Variants in UNC93B1 observed in about 807,000 individuals in gnomAD.
The protein encoded by UNC93B1 is protein unc-93 homolog B1.
Under a neutral mutation model 56.8 loss-of-function variants are expected in UNC93B1, and 33 were observed. The ratio of observed to expected loss-of-function variants is 0.58; its 90% CI spans 0.44 to 0.78. UNC93B1 has a LOEUF of 0.78. Among genes scored for constraint, UNC93B1 ranks in the 30% least tolerant of loss-of-function variants. UNC93B1 has a pLI of 0.00. For synonymous variants in UNC93B1, 334 were observed against 358.6 expected, an observed-to-expected ratio of 0.93 and a Z score of 0.77; for missense variants, 673 against 819.5, an observed-to-expected ratio of 0.82 and a Z score of 2.18.
At chr11:67,996,116 G>T (rs558526865) in intron 8 of UNC93B1, 21 of 262,382 alleles carry the variant, frequency 8.0e-5, no homozygotes, top group South Asian at 2.4e-4. Flanking sequence ...CCCGCATCGC[G>T]GGGGGGTGCC....
intron 3 of UNC93B1, among the ~76,000 whole-genome samples, chr11:68,002,095 C>T (rs1189108914): frequency 2.6e-5 from 4 of 151,798 alleles, no homozygotes; most frequent in Non-Finnish European, 5.9e-5. Context: ...GCCGAGATCA[C>T]ACCACTGCAC....
chr11:67,998,298 T>G, intron 6 of UNC93B1, 61 bp downstream of exon 6: 1 of 1,576,666 alleles, frequency 6.3e-7, no homozygotes, highest in Non-Finnish European at 8.7e-7. Flanking sequence ...GAGGGCCCAG[T>G]GTCTGCTGGG....
intron 5 of UNC93B1, 89 bp downstream of exon 5, chr11:67,999,084 G>T (rs914901863): frequency 1.5e-5 from 23 of 1,549,144 alleles, no homozygotes; most frequent in Non-Finnish European, 2.0e-5. Flanking sequence ...ATAAAAGAAA[G>T]AAAGTGGGAC....
In UNC93B1 at chr11:68,003,773, G is replaced by T. The variant is rs1046565133; in HGVS notation, c.122C>A (p.Pro41His). The change falls in exon 2 of 11, where the codon CCC becomes CAC. Residue 41 changes from proline (P) to histidine (H), a missense_variant. By Grantham distance (77) the Pro-to-His change is moderately conservative. Around this residue, in one of 3 missense-constraint regions of UNC93B1, gnomAD observed 438 missense variants for 465.9 expected, o/e 0.94. Transcript: ENST00000227471. This position sits in a 1 kb window ranked among gnomAD's most constrained non-coding sequence, Gnocchi z 4.4. ...CTCCTCCTCCTCCTCGTTGTAGTTG[G>T]GGTACGCGCCCACCAGCTCGTCCAG... Reference protein sequence around the residue: ...APLDELVGAYPNYNEEEEERR... With the variant: ...APLDELVGAYHNYNEEEEERR... The T allele has an allele frequency of 1.3e-6, 2 of 1,515,774 alleles. No homozygotes were observed. The highest frequency in any genetic ancestry group is 2.9e-5 in the African/African-American group (2 of 69,854). 93.9% of individuals were successfully genotyped at this position (1,515,774 alleles called of 1,614,324 possible). A position where few individuals can be genotyped will look rare whatever the true frequency, so the allele number is the denominator to read the frequency against.
At position 67,997,664 on chromosome 11, in the gene UNC93B1, C is replaced by A; in HGVS notation, c.906+11G>T. The A allele has an allele frequency of 1.2e-6, 2 of 1,601,164 alleles. No homozygotes were observed. The highest frequency in any genetic ancestry group is 1.7e-6 in the Non-Finnish European group (2 of 1,179,792). ...CTTCACTGACTGTCCTGCCCCCATC[C>A]CGGGCCGCACCAGCAGCATGGCCAG... On this transcript the variant is annotated intron_variant, in intron 7 of 10. Coordinates refer to ENST00000227471, the MANE Select transcript of UNC93B1 (RefSeq NM_030930.4).
At chr11:67,993,102 C>T (rs1418666347) in intron 10 of UNC93B1, among the ~76,000 whole-genome samples, 1 of 152,216 alleles carries the variant, frequency 6.6e-6, no homozygotes, top group Admixed American at 6.5e-5. Context: ...GATTCTCCTG[C>T]CTCAGCCTCC....
At chr11:67,998,243 C>A in intron 6 of UNC93B1, 116 bp downstream of exon 6, 1 of 1,229,994 alleles carries the variant, frequency 8.1e-7, no homozygotes, top group South Asian at 1.2e-5. Flanking sequence ...GTCTTGCCCA[C>A]CAGAGCCGTG....
chr11:67,999,970 G>A (rs767326393), intron 3 of UNC93B1, among the ~76,000 whole-genome samples: 62 of 152,226 alleles, frequency 4.1e-4, no homozygotes, highest in Non-Finnish European at 7.3e-5. Flanking sequence ...CCTCATGCGT[G>A]TTCTGGGCTC....
Position 68,003,816 on chromosome 11 carries a change from C to G in UNC93B1, c.97-18G>C. 1 of 1,458,544 alleles carries G rather than the reference C, an allele frequency of 6.9e-7. No homozygotes were observed. The highest frequency in any genetic ancestry group is 9.0e-7 in the Non-Finnish European group (1 of 1,108,844). The allele number at this position is 1,458,544 out of a possible 1,614,324, so 90.4% of individuals were successfully genotyped here. A position where few individuals can be genotyped will look rare whatever the true frequency, so the allele number is the denominator to read the frequency against. ...TCGTCCAGCTGCGAGCCACGCACGC[C>G]GCTCGCACCCGCGATCGCGCCCCGA... On this transcript the variant is annotated intron_variant, in intron 1 of 10. Transcript: ENST00000227471. This position sits in a 1 kb window ranked among gnomAD's most constrained non-coding sequence, Gnocchi z 4.4.
chr11:68,000,659 CAA>C (rs200897822), intron 3 of UNC93B1, among the ~76,000 whole-genome samples: 1 of 150,312 alleles, frequency 6.7e-6, no homozygotes. Flanking sequence ...CAAGATTGCT[CAA>C]AAAAAAAGTG....
rs531346000 is a variant in UNC93B1 at position 67,997,537 on chromosome 11, G to C, written c.906+138C>G. 2.0e-5 allele frequency: 29 copies of C among 1,431,248 alleles called. No homozygotes were observed. The South Asian group carries it at 3.3e-4, about 16-fold the overall frequency. 88.7% of individuals were successfully genotyped at this position (1,431,248 alleles called of 1,614,324 possible). A position where few individuals can be genotyped will look rare whatever the true frequency, so the allele number is the denominator to read the frequency against. On this transcript the variant is annotated intron_variant, in intron 7 of 10. Transcript: ENST00000227471. ...GCCCTAGCTCCCCAACTCAGATCGC[G>C]CTCCCAGGCCTACGGCCTGCCCCGA... is the stretch of plus-strand genomic sequence containing the variant.
chr11:68,001,065 G>A (rs377607713), intron 3 of UNC93B1, among the ~76,000 whole-genome samples: 6 of 151,932 alleles, frequency 3.9e-5, no homozygotes, highest in Non-Finnish European at 7.4e-5. Flanking sequence ...GCGTGGTGGC[G>A]GGCGCCTGTA....
chr11:67,994,202 C>T (rs945476097), intron 9 of UNC93B1, among the ~76,000 whole-genome samples: 4 of 152,144 alleles, frequency 2.6e-5, no homozygotes, highest in Non-Finnish European at 4.4e-5. Flanking sequence ...GCAAATCAAA[C>T]CTGAAGCTAA....
chr11:68,003,590 C>T lies in UNC93B1; in HGVS notation c.238+67G>A. ...AGAGCGGGCGGGAGGCGGCGGCCCG[C>T]GGTTTCTGTTTCCCGGGCCGGGCTG... On this transcript the variant is annotated intron_variant, in intron 2 of 10. Coordinates refer to ENST00000227471, the MANE Select transcript of UNC93B1 (RefSeq NM_030930.4). This position sits in a 1 kb window ranked among gnomAD's most constrained non-coding sequence, Gnocchi z 4.4. The T allele has an allele frequency of 1.4e-6, 2 of 1,476,454 alleles. No homozygotes were observed. The highest frequency in any genetic ancestry group is 1.3e-5 in the South Asian group (1 of 78,606). The allele number at this position is 1,476,454 out of a possible 1,614,324, so 91.5% of individuals were successfully genotyped here.
chr11:68,001,838 G>C (rs1458053816), intron 3 of UNC93B1, among the ~76,000 whole-genome samples: 1 of 152,100 alleles, frequency 6.6e-6, no homozygotes, highest in African/African-American at 2.4e-5. Flanking sequence ...GCTAAGATAT[G>C]CTCAGTGAAA....
Position 68,004,090 on chromosome 11 carries a change from G to A in UNC93B1, c.-47C>T. The A allele has an allele frequency of 7.8e-7, 1 of 1,276,100 alleles. No homozygotes were observed. The highest frequency in any genetic ancestry group is 9.9e-7 in the Non-Finnish European group (1 of 1,009,194). 79.0% of individuals were successfully genotyped at this position (1,276,100 alleles called of 1,614,324 possible). On this transcript the variant is annotated 5_prime_UTR_variant, in exon 1 of 11. Transcript: ENST00000227471. Reference sequence around the variant, plus strand: ...GCGGCGGTCGCCCCGGAGTCCCTGCGACCGCCCGGCCACTTCCTCCCGGCG... The same window carrying A: ...GCGGCGGTCGCCCCGGAGTCCCTGCAACCGCCCGGCCACTTCCTCCCGGCG...
In UNC93B1 at chr11:67,996,733, G is replaced by A. The variant is rs1565124797; in HGVS notation, c.958C>T (p.Arg320Cys). The A allele has an allele frequency of 2.6e-6, 4 of 1,558,194 alleles. No individual in the cohort carries two copies. The highest frequency in any genetic ancestry group is 2.4e-5 in the South Asian group (2 of 84,524). Residue 320 changes from arginine (R) to cysteine (C), a missense_variant, in exon 8 of 11, where the codon CGC (arginine) becomes TGC (cysteine). Arg to Cys is a radical substitution (Grantham distance 180). Coordinates refer to ENST00000227471, the MANE Select transcript of UNC93B1 (RefSeq NM_030930.4). Reference sequence around the variant, plus strand: ...AAGATGTTGCCCCAGCCCACGCTGCGCAGATCGATCTCCTCCGTGGGCCGG... The same window carrying A: ...AAGATGTTGCCCCAGCCCACGCTGCACAGATCGATCTCCTCCGTGGGCCGG... ...AYRPTEEIDL[R>C]SVGWGNIFQL...
At position 68,003,438 on chromosome 11, in the gene UNC93B1, AC is replaced by A; in HGVS notation, c.238+218del. 3 of 827,074 alleles carry A rather than the reference AC, an allele frequency of 3.6e-6. No homozygotes were observed. Among genetic ancestry groups the A allele is most frequent in the Non-Finnish European group, 5.3e-6 (3 of 565,258 alleles). 51.2% of individuals were successfully genotyped at this position (827,074 alleles called of 1,614,324 possible). On this transcript the variant is annotated intron_variant, in intron 2 of 10. Coordinates refer to ENST00000227471, the MANE Select transcript of UNC93B1 (RefSeq NM_030930.4). This position sits in a 1 kb window ranked among gnomAD's most constrained non-coding sequence, Gnocchi z 4.4. ...GTGGCAGGTCTGTCCGGGAGCCCGG[AC>A]CCCCGTCCCCCACCCACACCGAGGC...
At position 68,003,943 on chromosome 11, in the gene UNC93B1, C is replaced by A; in HGVS notation, c.96+5G>T. ...CCGCGCCTCGCACTCCGGGTCCCCG[C>A]TCACCGGGGCCTCGGGCCCGTCCGG... is the stretch of plus-strand genomic sequence containing the variant. On this transcript the variant is annotated splice_donor_5th_base_variant and intron_variant, in intron 1 of 10. Coordinates refer to ENST00000227471, the MANE Select transcript of UNC93B1 (RefSeq NM_030930.4). This position sits in a 1 kb window ranked among gnomAD's most constrained non-coding sequence, Gnocchi z 4.4. The A allele has an allele frequency of 2.2e-6, 3 of 1,380,484 alleles. No homozygotes were observed. The highest frequency in any genetic ancestry group is 2.8e-6 in the Non-Finnish European group (3 of 1,062,508). 85.5% of individuals were successfully genotyped at this position (1,380,484 alleles called of 1,614,324 possible).
Sources: allele counts gnomAD v4.1 joint callset (sites outside exome capture counted in the v4.1 genomes callset), GRCh38; gene constraint gnomAD v4.1.1; regional missense constraint gnomAD v4.1.1; non-coding constraint Gnocchi (gnomAD v3.1); transcripts MANE v1.5; gene names NCBI Gene and HGNC (gene_info 2026-07-23, HGNC 2026-07-21).